The following SRRM3 variants were observed in gnomAD, a reference collection of about 807,000 sequenced individuals.
The protein encoded by SRRM3 is serine/arginine repetitive matrix 3.
SRRM3 carries 27 observed loss-of-function variants against 66.2 expected under a neutral mutation model. The observed-to-expected ratio is 0.41, with a 90% CI of 0.30 to 0.56. The LOEUF (loss-of-function observed/expected upper bound fraction) is 0.56, where lower values mean the gene tolerates loss of function less well. SRRM3 is among the 20% of genes least tolerant of loss of function. The pLI is 0.32. For missense variants in SRRM3, 918 were observed against 991.9 expected (o/e 0.93, Z 1.00); for synonymous variants, 391 against 414.9 (o/e 0.94, Z 0.70).
At chr7:76,220,056 A>G (rs566334463) in intron 1 of SRRM3, among the ~76,000 whole-genome samples, 2 of 152,322 alleles carry the variant, frequency 1.3e-5, no homozygotes, top group South Asian at 4.1e-4. Flanking sequence ...TGTAGTTCCC[A>G]GAGATGATGG....
intron 1 of SRRM3, among the ~76,000 whole-genome samples, chr7:76,209,023 C>T (rs540545787): frequency 1.3e-5 from 2 of 152,132 alleles, no homozygotes; most frequent in South Asian, 2.1e-4. Context: ...CACTTGAGCC[C>T]AGAAAGTCAA....
chr7:76,234,194 A>AGTGTGTGTGTGTGT (rs58369922), intron 1 of SRRM3, among the ~76,000 whole-genome samples: 4,038 of 141,102 alleles, frequency 0.029, 136 homozygotes, highest in East Asian at 0.11. Flanking sequence ...AAGTCCTTGG[A>AGTGTGTGTGTGTGT]GTGTGTGTGT....
intron 1 of SRRM3, among the ~76,000 whole-genome samples, chr7:76,230,989 G>A (rs1554604196): frequency 6.6e-6 from 1 of 152,036 alleles, no homozygotes; most frequent in East Asian, 1.9e-4. Flanking sequence ...GACCTCAGGT[G>A]ATCCACTCAC....
intron 1 of SRRM3, among the ~76,000 whole-genome samples, chr7:76,217,067 C>T (rs115447933): frequency 2.0e-5 from 3 of 152,140 alleles, no homozygotes; most frequent in Non-Finnish European, 2.9e-5. Context: ...TGGAAGGGGC[C>T]GGACTGTCTG....
chr7:76,230,887 A>G (rs1800997963), intron 1 of SRRM3, among the ~76,000 whole-genome samples: 1 of 151,492 alleles, frequency 6.6e-6, no homozygotes, highest in Admixed American at 6.6e-5. Flanking sequence ...AGTAGCTGGG[A>G]TTACAGGCGC....
chr7:76,257,778 TAAAATAAAAAATAA>T (rs1222837726), intron 3 of SRRM3, among the ~76,000 whole-genome samples: 1 of 150,966 alleles, frequency 6.6e-6, no homozygotes, highest in Admixed American at 6.6e-5. Flanking sequence ...TCTCAAAAAA[TAAAATAAAAAATAA>T]AAAATAAACT....
At chr7:76,248,123 C>A (rs552419492) in intron 2 of SRRM3, 65 bp from the exon 3 acceptor site, 1 of 1,332,000 alleles carries the variant, frequency 7.5e-7, no homozygotes, top group Non-Finnish European at 1.1e-6. Flanking sequence ...GGGCTGAGTG[C>A]GGGGCAGGAA....
intron 11 of SRRM3, among the ~76,000 whole-genome samples, chr7:76,280,357 C>G (rs1167579305): frequency 6.7e-6 from 1 of 150,258 alleles, no homozygotes; most frequent in African/African-American, 2.5e-5. Context: ...GTTCAGTTGT[C>G]CCCCTCGCCC....
chr7:76,213,478 TAAG>T (rs1800486618), intron 1 of SRRM3, among the ~76,000 whole-genome samples: 1 of 152,280 alleles, frequency 6.6e-6, no homozygotes, highest in African/African-American at 2.4e-5. Flanking sequence ...ATCGCCCAGC[TAAG>T]AAGTGGTTGA....
intron 5 of SRRM3, 68 bp from the exon 6 acceptor site, chr7:76,260,806 G>T (rs1801844137): frequency 6.8e-7 from 1 of 1,477,148 alleles, no homozygotes; most frequent in East Asian, 2.5e-5. Context: ...TGAGACCCTG[G>T]CAAGTGTCTG....
rs181018085 is a variant in SRRM3, at chr7:76,214,335, C to G, written c.-40+12268C>G. ...CAGGGCAAGGAAGACCTCCCTTCAG[C>G]ACCCCTGCCATTCCTACCTCCCACC... On this transcript the variant is annotated intron_variant, in intron 1 of 14. Transcript: ENST00000611745. Among the ~76,000 whole-genome samples, 29 of 152,276 alleles carry G rather than the reference C, an allele frequency of 1.9e-4. No individual in the cohort carries two copies. The East Asian group carries it at 5.4e-3, about 28-fold the overall frequency.
chr7:76,227,484 C>T (rs1800903961), intron 1 of SRRM3, among the ~76,000 whole-genome samples: 1 of 152,172 alleles, frequency 6.6e-6, no homozygotes, highest in Admixed American at 6.5e-5. Flanking sequence ...AATTACAAAC[C>T]CTGCCAGATT....
intron 1 of SRRM3, among the ~76,000 whole-genome samples, chr7:76,204,473 G>A (rs1800246565): frequency 6.6e-6 from 1 of 152,158 alleles, no homozygotes; most frequent in African/African-American, 2.4e-5. Context: ...GGTGTGATGG[G>A]ACTTTCCCAA....
In SRRM3 at chr7:76,283,008, C is replaced by A; in HGVS notation, c.1640C>A (p.Ala547Asp). ...CGCGCAAGGCACTCTGAGGCCGAGG[C>A]CACCCGCGCCCGGCGCCGCTCCCGC... ...EGRARHSEAE[A>D]TRARRRSRSY... Residue 547 changes from alanine to aspartate, a missense_variant, in exon 14 of 15, where the codon GCC becomes GAC. Coordinates refer to ENST00000611745, the MANE Select transcript of SRRM3 (RefSeq NM_001110199.3). The A allele has an allele frequency of 6.8e-7, 1 of 1,464,246 alleles. No individual in the cohort carries two copies. The highest frequency in any genetic ancestry group is 9.0e-7 in the Non-Finnish European group (1 of 1,114,762). 90.7% of individuals were successfully genotyped at this position (1,464,246 alleles called of 1,614,324 possible). A position where few individuals can be genotyped will look rare whatever the true frequency, so the allele number is the denominator to read the frequency against.
At chr7:76,253,484 G>A (rs1424608118) in intron 3 of SRRM3, among the ~76,000 whole-genome samples, 6 of 151,974 alleles carry the variant, frequency 3.9e-5, no homozygotes, top group Non-Finnish European at 8.8e-5. Flanking sequence ...AGCTGGGCGT[G>A]GTGGTGGGCA....
At chr7:76,261,301 C>A in intron 6 of SRRM3, 51 bp from the exon 7 acceptor site, 1 of 308,696 alleles carries the variant, frequency 3.2e-6, no homozygotes, top group South Asian at 2.8e-5. Context: ...CCATTTCCAG[C>A]CCCCCACCCC....
intron 1 of SRRM3, among the ~76,000 whole-genome samples, chr7:76,231,450 C>T (rs1801012413): frequency 5.9e-5 from 9 of 152,258 alleles, no homozygotes; most frequent in Admixed American, 5.9e-4. Context: ...GAACGACTCT[C>T]ACCAGCTTTC....
At chr7:76,251,120 AG>A (rs1801570941) in intron 3 of SRRM3, among the ~76,000 whole-genome samples, 2 of 152,056 alleles carry the variant, frequency 1.3e-5, no homozygotes, top group Non-Finnish European at 2.9e-5. Flanking sequence ...GTCTCTACCC[AG>A]GGCAGAGCCC....
At position 76,254,734 on chromosome 7, in the gene SRRM3, G is replaced by T. The variant is rs797038916; in HGVS notation, c.336-5172G>T. Among the ~76,000 whole-genome samples the T allele has an allele frequency of 4.1e-4, 62 of 152,262 alleles. 2 individuals carry two copies. The highest frequency in any genetic ancestry group is 1.4e-3 in the African/African-American group (58 of 41,566). On this transcript the variant is annotated intron_variant, in intron 3 of 14. Coordinates refer to ENST00000611745, the MANE Select transcript of SRRM3 (RefSeq NM_001110199.3). ...CAATGTGAGCTTAAGTTTTGCTAAAGACTATGTTTTATGTGTCAGGCAGGC... is the reference window on the plus strand; with the variant it reads ...CAATGTGAGCTTAAGTTTTGCTAAATACTATGTTTTATGTGTCAGGCAGGC...
Sources: allele counts gnomAD v4.1 joint callset (sites outside exome capture counted in the v4.1 genomes callset), GRCh38; gene constraint gnomAD v4.1.1; transcripts MANE v1.5; gene names NCBI Gene and HGNC (gene_info 2026-07-23, HGNC 2026-07-21).